MYO7B: variants seen among roughly 807,000 people sequenced by gnomAD.
The protein encoded by MYO7B is myosin VIIB.
A neutral mutation model predicts 259.7 loss-of-function variants in MYO7B; 212 were observed. The observed-to-expected ratio is 0.82, with a 90% CI of 0.73 to 0.91. The LOEUF (loss-of-function observed/expected upper bound fraction) is 0.91, where lower values mean the gene tolerates loss of function less well. Ranked by LOEUF, MYO7B falls within the 40% of genes least tolerant of loss-of-function variation. The probability of loss-of-function intolerance (pLI) is 0.00; values close to 1 mark genes in which losing one functional copy is unlikely to be tolerated. For synonymous variants in MYO7B, 1,197 were observed against 1,166.4 expected (o/e 1.03, Z -0.54); for missense variants, 2,732 against 2,813.5 (o/e 0.97, Z 0.66).
chr2:127,637,095 G>A (rs1293765254), intron 47 of MYO7B, 182 bp downstream of exon 47: 2 of 1,165,062 alleles, frequency 1.7e-6, no homozygotes, highest in South Asian at 2.6e-5. Flanking sequence ...AGGTGGCAAG[G>A]CCAGGCGGGA....
In MYO7B at chr2:127,617,758, T is replaced by C. The variant is rs1229604185; in HGVS notation, c.3399-2582T>C. Among the ~76,000 whole-genome samples, 9 of 151,082 alleles carry C rather than the reference T, an allele frequency of 6.0e-5. No individual in the cohort carries two copies. In the East Asian group the frequency reaches 1.7e-3, roughly 29 times the overall value. On this transcript the variant is annotated intron_variant, in intron 26 of 47. Coordinates refer to ENST00000409816, the MANE Select transcript of MYO7B (RefSeq NM_001393586.1). ...ACCTCATGATCCACCCGCCTCGGCC[T>C]CCCAAAGTGCTGGGATTACAGGCGT...
chr2:127,597,611 A>ATATTTATTTATTTATTTATT lies in MYO7B; in HGVS notation c.2339+1077_2339+1096dup, dbSNP rs36105119. Among the ~76,000 whole-genome samples the ATATTTATTTATTTATTTATT allele has an allele frequency of 3.4e-5, 5 of 145,792 alleles. No homozygotes were observed. The highest frequency in any genetic ancestry group is 1.3e-4 in the African/African-American group (5 of 38,748). ...TTCATCCAGGTTATTGCTTGCATTAATATTTATTTATTTATTTATTTATTT... is the reference window on the plus strand; with the variant it reads ...TTCATCCAGGTTATTGCTTGCATTAATATTTATTTATTTATTTATTTATTTATTTATTTATTTATTTATTT... On this transcript the variant is annotated intron_variant, in intron 19 of 47. Coordinates refer to ENST00000409816, the MANE Select transcript of MYO7B (RefSeq NM_001393586.1). This position sits in a 1 kb window ranked among gnomAD's most constrained non-coding sequence, Gnocchi z 4.8.
At chr2:127,603,712 G>A (rs541144283) in intron 19 of MYO7B, among the ~76,000 whole-genome samples, 1 of 152,324 alleles carries the variant, frequency 6.6e-6, no homozygotes, top group Non-Finnish European at 1.5e-5. Flanking sequence ...AGCTTCATAA[G>A]CTGCTAATAA....
At chr2:127,635,931 G>T in intron 44 of MYO7B, 24 bp downstream of exon 44, 8 of 1,552,860 alleles carry the variant, frequency 5.2e-6, no homozygotes, top group Non-Finnish European at 7.0e-6. Context: ...CTGGGGAAGG[G>T]TTCTTGTGCT....
Position 127,609,948 on chromosome 2 carries a change from C to T in MYO7B, c.3124C>T (p.Arg1042Trp), listed in dbSNP as rs200719203. The T allele has an allele frequency of 6.3e-5, 102 of 1,607,664 alleles. 1 individual carries two copies. The African/African-American group carries it at 7.6e-4, about 12-fold the overall frequency. Residue 1042 changes from arginine to tryptophan, a missense_variant, in exon 24 of 48, where the codon CGG becomes TGG. This residue lies in a region of MYO7B where 1,906 missense variants were observed against 2,026.4 expected (regional missense o/e 0.94). Transcript: ENST00000409816. The surrounding 1 kb of genome is among the most constrained non-coding windows in gnomAD (Gnocchi z 6.9). ...RSSQQGSSVM[R>W]QIHDTLGREH... The stretch of plus-strand genomic sequence containing the variant: ...CAGCCAGCAGGGCAGCTCAGTGATG[C>T]GGCAGATCCATGACACGCTGGGCAG...
intron 2 of MYO7B, among the ~76,000 whole-genome samples, chr2:127,562,824 T>C (rs573477454): frequency 3.9e-5 from 6 of 152,244 alleles, no homozygotes; most frequent in Admixed American, 3.9e-4. Flanking sequence ...GGTTTCTCCA[T>C]GTTGGCCAGG....
chr2:127,592,328 G>C (rs1573665041), intron 16 of MYO7B, among the ~76,000 whole-genome samples: 2 of 152,258 alleles, frequency 1.3e-5, no homozygotes, highest in East Asian at 3.8e-4. Flanking sequence ...CCAGGAGGCA[G>C]AGGTTGCAGT....
intron 6 of MYO7B, among the ~76,000 whole-genome samples, chr2:127,570,832 C>T (rs983830455): frequency 2.0e-5 from 3 of 151,680 alleles, no homozygotes; most frequent in Non-Finnish European, 2.9e-5. Context: ...TTTTCCAGAA[C>T]GTCATAGAAG....
At chr2:127,567,687 A>G (rs1420253576) in intron 5 of MYO7B, among the ~76,000 whole-genome samples, 2 of 152,146 alleles carry the variant, frequency 1.3e-5, no homozygotes, top group African/African-American at 4.8e-5. Flanking sequence ...TCATTCATTC[A>G]TTCAATCATT....
rs1470228340 is a variant in MYO7B at position 127,607,165 on chromosome 2, G to T, written c.2425-41G>T. ...CACCCCTCTCTGTTTCCTGGGGAAG[G>T]CCTTCTTGCCCCTGATCTCACCTCT... On this transcript the variant is annotated intron_variant, in intron 20 of 47. Coordinates refer to ENST00000409816, the MANE Select transcript of MYO7B (RefSeq NM_001393586.1). The surrounding 1 kb of genome is among the most constrained non-coding windows in gnomAD (Gnocchi z 4.4). 6 of 1,509,588 alleles carry T rather than the reference G, an allele frequency of 4.0e-6. No individual in the cohort carries two copies. In the South Asian group the frequency reaches 7.5e-5, roughly 19 times the overall value. The allele number at this position is 1,509,588 out of a possible 1,614,324, so 93.5% of individuals were successfully genotyped here. A position where few individuals can be genotyped will look rare whatever the true frequency, so the allele number is the denominator to read the frequency against.
intron 37 of MYO7B, 54 bp from the exon 38 acceptor site, chr2:127,631,546 C>A (rs746254382): frequency 5.7e-6 from 9 of 1,592,916 alleles, no homozygotes; most frequent in Non-Finnish European, 7.7e-6. Flanking sequence ...GCGTCTATCC[C>A]CAGTCTGTGT....
Position 127,584,700 on chromosome 2 carries a change from A to G in MYO7B, c.1555-78A>G. On this transcript the variant is annotated intron_variant, in intron 13 of 47. Coordinates refer to ENST00000409816, the MANE Select transcript of MYO7B (RefSeq NM_001393586.1). The surrounding 1 kb of genome is among the most constrained non-coding windows in gnomAD (Gnocchi z 5.8). ...TCTGAGCCCAGATCTCTTTGCCTCC[A>G]TGAGGAAGTCCCTGAGCCTCACCTC... The G allele has an allele frequency of 3.2e-6, 5 of 1,547,074 alleles. No individual in the cohort carries two copies. Among genetic ancestry groups the G allele is most frequent in the South Asian group, 1.2e-5 (1 of 84,104 alleles).
chr2:127,600,207 T>G lies in MYO7B; in HGVS notation c.2339+3651T>G, dbSNP rs145490289. Among the ~76,000 whole-genome samples the G allele has an allele frequency of 4.3e-3, 654 of 152,314 alleles. 5 individuals carry two copies. The highest frequency in any genetic ancestry group is 0.015 in the African/African-American group (623 of 41,564). On this transcript the variant is annotated intron_variant, in intron 19 of 47. Transcript: ENST00000409816. ...AGGAATGATTCAAATTATTTTATATTGAGCGAGTTGTGGTAATTTGTGCTT... is the reference window on the plus strand; with the variant it reads ...AGGAATGATTCAAATTATTTTATATGGAGCGAGTTGTGGTAATTTGTGCTT...
intron 2 of MYO7B, 113 bp from the exon 3 acceptor site, chr2:127,564,040 A>C: frequency 1.4e-6 from 1 of 707,252 alleles, no homozygotes; most frequent in South Asian, 2.0e-5. Context: ...GACAAGCTCC[A>C]GCCACCTTGG....
At chr2:127,593,697 G>A (rs1217675530) in intron 18 of MYO7B, 53 bp downstream of exon 18, 2 of 1,532,570 alleles carry the variant, frequency 1.3e-6, no homozygotes, top group Admixed American at 3.4e-5. Context: ...ATGTGGGCTT[G>A]TCAGCTCTTG....
In MYO7B at chr2:127,584,149, C is replaced by T; in HGVS notation, c.1371C>T (p.Ala457=). ...TCGAGCAGCTCTGCATCAACTTCGC[C>T]AACGAGCACCTGCAGCAGTTCTTTG... ...NSFEQLCINF[A]NEHLQQFFVQ... Residue 457 remains alanine, a synonymous_variant, in exon 13 of 48, where the codon GCC becomes GCT. Transcript: ENST00000409816. The surrounding 1 kb of genome is among the most constrained non-coding windows in gnomAD (Gnocchi z 5.8). 1 of 1,613,684 alleles carries T rather than the reference C, an allele frequency of 6.2e-7. No homozygotes were observed. Among genetic ancestry groups the T allele is most frequent in the Non-Finnish European group, 8.5e-7 (1 of 1,179,786 alleles).
At position 127,559,980 on chromosome 2, in the gene MYO7B, A is replaced by C. The variant is rs1306796417; in HGVS notation, c.18+240A>C. Among the ~76,000 whole-genome samples the C allele has an allele frequency of 2.6e-5, 4 of 151,714 alleles. No individual in the cohort carries two copies. The highest frequency in any genetic ancestry group is 9.7e-5 in the African/African-American group (4 of 41,268). Reference sequence around the variant, plus strand: ...ATCCCTCACTTTCATGTAGGGCTTAACATGTCCCTTTGTCTTGATAAAGGG... The same window carrying C: ...ATCCCTCACTTTCATGTAGGGCTTACCATGTCCCTTTGTCTTGATAAAGGG... On this transcript the variant is annotated intron_variant, in intron 2 of 47. Coordinates refer to ENST00000409816, the MANE Select transcript of MYO7B (RefSeq NM_001393586.1). The surrounding 1 kb of genome is among the most constrained non-coding windows in gnomAD (Gnocchi z 4.1).
chr2:127,602,166 A>G (rs1679985370), intron 19 of MYO7B, among the ~76,000 whole-genome samples: 1 of 151,900 alleles, frequency 6.6e-6, no homozygotes, highest in Admixed American at 6.6e-5. Flanking sequence ...TATCTTTTTT[A>G]TAGCTCTCTA....
At chr2:127,588,712 G>T (rs979965563) in intron 15 of MYO7B, among the ~76,000 whole-genome samples, 157 bp downstream of exon 15, 2 of 151,914 alleles carry the variant, frequency 1.3e-5, no homozygotes, top group African/African-American at 4.8e-5. Flanking sequence ...TGAATGGATG[G>T]GTGGGTGGAT....
Sources: allele counts gnomAD v4.1 joint callset (sites outside exome capture counted in the v4.1 genomes callset), GRCh38; gene constraint gnomAD v4.1.1; regional missense constraint gnomAD v4.1.1; non-coding constraint Gnocchi (gnomAD v3.1); transcripts MANE v1.5; gene names NCBI Gene and HGNC (gene_info 2026-07-23, HGNC 2026-07-21).